SHROOM4: variants seen among roughly 807,000 people sequenced by gnomAD.
SHROOM4 encodes shroom family member 4, also known as protein Shroom4.
A neutral mutation model predicts 80.3 loss-of-function variants in SHROOM4; 17 were observed. The observed-to-expected ratio is 0.21, with a 90% CI of 0.14 to 0.32. The LOEUF is 0.32. SHROOM4 is among the 10% of genes least tolerant of loss of function. The pLI, the probability that SHROOM4 is intolerant of heterozygous loss-of-function variation, is 1.00. For synonymous variants in SHROOM4, 400 were observed against 437.5 expected (o/e 0.91, Z 1.07); for missense variants, 993 against 1,140.3 (o/e 0.87, Z 1.86).
At chrX:50,580,191 A>T in the SHROOM4 span, among the ~76,000 whole-genome samples, 1 of 112,053 alleles carries the variant, frequency 8.9e-6, no homozygotes, top group Non-Finnish European at 1.9e-5. Flanking sequence ...AGGCAAAAAT[A>T]ACCAAGGGTC....
intron 1 of SHROOM4, among the ~76,000 whole-genome samples, chrX:50,707,724 G>A (rs926958152): frequency 6.8e-5 from 7 of 103,675 alleles, no homozygotes; most frequent in Non-Finnish European, 9.7e-5. Context: ...TTTTTTCTCC[G>A]TCTCTTTTTC....
chrX:50,714,072 T>C (rs1933887362), intron 1 of SHROOM4, among the ~76,000 whole-genome samples: 1 of 111,989 alleles, frequency 8.9e-6, no homozygotes, highest in East Asian at 2.8e-4. Flanking sequence ...TTGAAAAGGG[T>C]GTCCTTTCCC....
In SHROOM4 at chrX:50,607,592, G is replaced by T. The variant is rs1557248761; in HGVS notation, c.3550C>A (p.Gln1184Lys). The T allele has an allele frequency of 8.3e-7, 1 of 1,209,447 alleles. No homozygotes were observed. The highest frequency in any genetic ancestry group is 1.8e-5 in the African/African-American group (1 of 56,982). The change falls in exon 6 of 9, where the codon CAA (glutamine) becomes AAA (lysine). Residue 1184 changes from glutamine (Q) to lysine (K), a missense_variant. Coordinates refer to ENST00000376020, the MANE Select transcript of SHROOM4 (RefSeq NM_020717.5). ...LNPEEVLEQPQPLSFGHLEGS... is the reference protein window; with the variant it reads ...LNPEEVLEQPKPLSFGHLEGS... ...TCCAGGTGGCCAAAGCTGAGGGGTT[G>T]TGGCTGCTCTAGGACCTCCTCAGGA...
intron 1 of SHROOM4, among the ~76,000 whole-genome samples, chrX:50,744,704 G>T (rs1557267484): frequency 1.8e-5 from 2 of 111,689 alleles, no homozygotes; most frequent in African/African-American, 6.5e-5. Flanking sequence ...TTTAAATAAT[G>T]TATTGTAGTA....
intron 2 of SHROOM4, among the ~76,000 whole-genome samples, chrX:50,640,227 A>G (rs1318145011): frequency 8.9e-6 from 1 of 111,787 alleles, no homozygotes; most frequent in African/African-American, 3.3e-5. Context: ...TGAACAGGGT[A>G]TCCTTCCTAT....
At chrX:50,754,230 G>A (rs782813542) in intron 1 of SHROOM4, among the ~76,000 whole-genome samples, 22 of 111,680 alleles carry the variant, frequency 2.0e-4, no homozygotes, top group Non-Finnish European at 4.0e-4. Flanking sequence ...GATGATGCTT[G>A]GTTTTAAGCA....
chrX:50,647,384 A>G (rs1557258085), intron 2 of SHROOM4, among the ~76,000 whole-genome samples: 1 of 111,549 alleles, frequency 9.0e-6, no homozygotes, highest in African/African-American at 3.3e-5. Flanking sequence ...GTGCAACACC[A>G]GAGGGCTAAG....
At position 50,686,801 on chromosome X, in the gene SHROOM4, C is replaced by G. The variant is rs145017037; in HGVS notation, c.269+8985G>C. Among the ~76,000 whole-genome samples, 216 of 111,570 alleles carry G rather than the reference C, an allele frequency of 1.9e-3. 1 individual carries two copies. Among genetic ancestry groups the G allele is most frequent in the African/African-American group, 6.1e-3 (188 of 30,668 alleles). On this transcript the variant is annotated intron_variant, in intron 2 of 8. Coordinates refer to ENST00000376020, the MANE Select transcript of SHROOM4 (RefSeq NM_020717.5). Reference sequence around the variant, plus strand: ...GAGTCAAACACAACAGATTTATAAGCTCCATGTGGGCAGGGAATGTGTCTA... The same window carrying G: ...GAGTCAAACACAACAGATTTATAAGGTCCATGTGGGCAGGGAATGTGTCTA...
intron 1 of SHROOM4, among the ~76,000 whole-genome samples, chrX:50,747,329 C>T (rs782617938): frequency 2.1e-4 from 23 of 111,715 alleles, no homozygotes; most frequent in East Asian, 1.7e-3. Context: ...CTCTGTCAGA[C>T]GAATTAAAAG....
At chrX:50,689,110 A>G (rs1282880515) in intron 2 of SHROOM4, among the ~76,000 whole-genome samples, 1 of 111,706 alleles carries the variant, frequency 9.0e-6, no homozygotes, top group Non-Finnish European at 1.9e-5. Context: ...AGAAATGATA[A>G]ATGTTTGAGA....
chrX:50,696,059 G>T, intron 1 of SHROOM4, 122 bp from the exon 2 acceptor site: 1 of 787,210 alleles, frequency 1.3e-6, no homozygotes, highest in Non-Finnish European at 1.9e-6. Flanking sequence ...GGCAGCTCCT[G>T]GGAGTAGCTC....
In SHROOM4 at chrX:50,634,140, T is replaced by G; in HGVS notation, c.1933A>C (p.Lys645Gln). 1 of 1,211,396 alleles carries G rather than the reference T, an allele frequency of 8.3e-7. No individual in the cohort carries two copies. The highest frequency in any genetic ancestry group is 1.1e-6 in the Non-Finnish European group (1 of 895,441). Residue 645 changes from lysine to glutamine, a missense_variant, in exon 4 of 9, where the codon AAA becomes CAA. Physicochemically the swap from Lys to Gln is moderately conservative, Grantham distance 53. Coordinates refer to ENST00000376020, the MANE Select transcript of SHROOM4 (RefSeq NM_020717.5). ...SNTSLLSSCK[K>Q]PPSPRDKLFN... ...AGCTTGTCTCTGGGGCTGGGAGGTT[T>G]TTTACATGAAGATAGAAGAGATGTG...
At chrX:50,713,274 C>G (rs1213495821) in intron 1 of SHROOM4, among the ~76,000 whole-genome samples, 2 of 111,222 alleles carry the variant, frequency 1.8e-5, no homozygotes, top group African/African-American at 6.5e-5. Flanking sequence ...TCTTTGGCAG[C>G]AATGATGTCT....
chrX:50,731,225 G>T (rs868993538), intron 1 of SHROOM4, among the ~76,000 whole-genome samples: 2 of 102,700 alleles, frequency 1.9e-5, no homozygotes, highest in African/African-American at 7.4e-5. Flanking sequence ...TAGAAATTTG[G>T]TTTAAAAAAA....
intron 1 of SHROOM4, among the ~76,000 whole-genome samples, chrX:50,757,364 A>C (rs782798513): frequency 2.7e-4 from 30 of 112,386 alleles, no homozygotes; most frequent in African/African-American, 9.0e-4. Flanking sequence ...TCCTTAAGCC[A>C]GTAGCACACT....
chrX:50,612,517 G>C (rs1557250082), intron 5 of SHROOM4, among the ~76,000 whole-genome samples: 2 of 111,808 alleles, frequency 1.8e-5, no homozygotes. Flanking sequence ...AGAGAATAGA[G>C]AGAGAAGAAA....
At chrX:50,771,370 T>A (rs1357289574) in intron 1 of SHROOM4, among the ~76,000 whole-genome samples, 4 of 112,412 alleles carry the variant, frequency 3.6e-5, no homozygotes, top group Non-Finnish European at 7.5e-5. Flanking sequence ...GAAGCAGCCA[T>A]GTTTAAAAAC....
In SHROOM4 at chrX:50,695,710, A is replaced by G. The variant is rs1447199346; in HGVS notation, c.269+76T>C. 5 of 1,067,815 alleles carry G rather than the reference A, an allele frequency of 4.7e-6. No individual in the cohort carries two copies. The East Asian group carries it at 1.5e-4, about 32-fold the overall frequency. The allele number at this position is 1,067,815 out of a possible 1,213,427, so 88.0% of individuals were successfully genotyped here. A position where few individuals can be genotyped will look rare whatever the true frequency, so the allele number is the denominator to read the frequency against. Reference sequence around the variant, plus strand: ...TTTCCTTTATAATATTGATAGAGACATGACTCTATTGAGCTTTATTACCAA... The same window carrying G: ...TTTCCTTTATAATATTGATAGAGACGTGACTCTATTGAGCTTTATTACCAA... On this transcript the variant is annotated intron_variant, in intron 2 of 8. Coordinates refer to ENST00000376020, the MANE Select transcript of SHROOM4 (RefSeq NM_020717.5).
chrX:50,690,625 G>A (rs782478684), intron 2 of SHROOM4, among the ~76,000 whole-genome samples: 13 of 112,586 alleles, frequency 1.2e-4, no homozygotes, highest in African/African-American at 3.5e-4. Context: ...TTTAAAATTT[G>A]TTTTTAAATT....
Sources: allele counts gnomAD v4.1 joint callset (sites outside exome capture counted in the v4.1 genomes callset), GRCh38; gene constraint gnomAD v4.1.1; transcripts MANE v1.5; gene names NCBI Gene and HGNC (gene_info 2026-07-23, HGNC 2026-07-21).